Variants in TOMM20L observed in about 807,000 individuals in gnomAD.
The protein encoded by TOMM20L is TOMM20-like protein 1.
Under a neutral mutation model 20.4 loss-of-function variants are expected in TOMM20L, and 19 were observed. The observed-to-expected ratio is 0.93, with a 90% CI of 0.65 to 1.36. The LOEUF is 1.36. Ranked by LOEUF, TOMM20L falls within the 40% of genes most tolerant of loss-of-function variation. The probability of loss-of-function intolerance (pLI) is 0.00; values close to 1 mark genes in which losing one functional copy is unlikely to be tolerated. For synonymous variants in TOMM20L, 75 were observed against 79.6 expected, an observed-to-expected ratio of 0.94 and a Z score of 0.30; for missense variants, 218 against 203.7, an observed-to-expected ratio of 1.07 and a Z score of -0.43.
chr14:58,404,115 A>ATTT (rs2036026261), intron 3 of TOMM20L, among the ~76,000 whole-genome samples: 3 of 15,166 alleles, frequency 2.0e-4, no homozygotes, highest in African/African-American at 4.2e-4. Flanking sequence ...ATATATATAT[A>ATTT]TATATTTTTT....
chr14:58,407,515 CTA>C, intron 4 of TOMM20L, 47 bp downstream of exon 4: 1 of 1,543,096 alleles, frequency 6.5e-7, no homozygotes, highest in Non-Finnish European at 8.7e-7. Context: ...CAGTAAATAG[CTA>C]TGTTATGCTT....
Position 58,399,163 on chromosome 14 carries a change from C to G in TOMM20L, c.180+2822C>G, listed in dbSNP as rs376629731. On this transcript the variant is annotated intron_variant, in intron 2 of 4. Coordinates refer to ENST00000360945, the MANE Select transcript of TOMM20L (RefSeq NM_207377.3). ...GGCCTCCTGAAGTGTTGGGATTACA[C>G]GAGGGAGCCACTGTGCCTGGCCTCT... is the stretch of plus-strand genomic sequence containing the variant. Among the ~76,000 whole-genome samples the G allele has an allele frequency of 5.3e-5, 8 of 152,260 alleles. 1 individual carries two copies. In the South Asian group the frequency reaches 6.2e-4, roughly 12 times the overall value.
At chr14:58,397,588 C>A (rs929199047) in intron 2 of TOMM20L, among the ~76,000 whole-genome samples, 4 of 152,110 alleles carry the variant, frequency 2.6e-5, no homozygotes, top group Non-Finnish European at 4.4e-5. Flanking sequence ...GGAGAGGATA[C>A]AGGATGGAGG....
At chr14:58,408,703 C>A, downstream of TOMM20L, 2 of 905,520 alleles carry the variant, frequency 2.2e-6, no homozygotes, top group Non-Finnish European at 3.3e-6. Flanking sequence ...CTATCTCATA[C>A]ATGATCGAAC....
In TOMM20L at chr14:58,407,371, T is replaced by C; in HGVS notation, c.308T>C (p.Val103Ala). The C allele has an allele frequency of 6.2e-7, 1 of 1,613,658 alleles. No individual in the cohort carries two copies. The highest frequency in any genetic ancestry group is 1.7e-5 in the Admixed American group (1 of 59,898). The change falls in exon 4 of 5, where the codon GTG becomes GCG. Residue 103 changes from valine to alanine, a missense_variant. Val to Ala is a moderately conservative substitution (Grantham distance 64). Transcript: ENST00000360945. ...CAACACCTCGGCAATGCCCTTTTAG[T>C]GTGCGAGCAACCACGGGAACTTCTG... ...GIQHLGNALL[V>A]CEQPRELLKV...
intron 4 of TOMM20L, among the ~76,000 whole-genome samples, chr14:58,407,750 T>C (rs975965915): frequency 3.3e-5 from 5 of 152,206 alleles, no homozygotes; most frequent in African/African-American, 9.6e-5. Flanking sequence ...AGAAATCACT[T>C]TGGTAAATTT....
chr14:58,411,687 C>T (rs926805534), downstream of TOMM20L, among the ~76,000 whole-genome samples: 9 of 151,784 alleles, frequency 5.9e-5, no homozygotes, highest in African/African-American at 1.9e-4. Flanking sequence ...TAGAGGTGTG[C>T]GCCAGCACGC....
At position 58,395,974 on chromosome 14, in the gene TOMM20L, C is replaced by T. The variant is rs1309464389; in HGVS notation, c.17C>T (p.Ser6Phe). The T allele has an allele frequency of 3.5e-6, 5 of 1,447,902 alleles. No individual in the cohort carries two copies. In the South Asian group the frequency reaches 4.5e-5, roughly 13 times the overall value. The allele number at this position is 1,447,902 out of a possible 1,614,324, so 89.7% of individuals were successfully genotyped here. A position where few individuals can be genotyped will look rare whatever the true frequency, so the allele number is the denominator to read the frequency against. The change falls in exon 1 of 5, where the codon TCC (serine) becomes TTC (phenylalanine). Residue 6 changes from serine (S) to phenylalanine (F), a missense_variant. By Grantham distance (155) the Ser-to-Phe change is radical. Coordinates refer to ENST00000360945, the MANE Select transcript of TOMM20L (RefSeq NM_207377.3). MPSVRSLLRLLAAAAA... is the reference protein window; with the variant it reads MPSVRFLLRLLAAAAA... ...CGCGGTCGGATGCCCTCCGTCCGCT[C>T]CCTCCTCCGCCTCTTGGCCGCCGCG...
downstream of TOMM20L, among the ~76,000 whole-genome samples, chr14:58,411,452 A>G (rs2036213258): frequency 6.6e-6 from 1 of 151,974 alleles, no homozygotes; most frequent in African/African-American, 2.4e-5. Context: ...TGTCCAAAAA[A>G]AAAAAGAACA....
Position 58,396,037 on chromosome 14 carries a change from T to A in TOMM20L, c.80T>A (p.Ile27Asn). 1 of 1,439,590 alleles carries A rather than the reference T, an allele frequency of 6.9e-7. No individual in the cohort carries two copies. Among genetic ancestry groups the A allele is most frequent in the African/African-American group, 1.5e-5 (1 of 67,956 alleles). 89.2% of individuals were successfully genotyped at this position (1,439,590 alleles called of 1,614,324 possible). Residue 27 changes from isoleucine to asparagine, a missense_variant, in exon 1 of 5, where the codon ATT becomes AAT. Ile to Asn is a moderately radical substitution (Grantham distance 149). Transcript: ENST00000360945. ...CGAFAFLGYC[I>N]YLNRKRRGDP... The stretch of plus-strand genomic sequence containing the variant: ...GCCTTCGCCTTCCTGGGCTATTGTA[T>A]TTACCTCAACCGGAAGCGGCGCGGG...
Position 58,396,422 on chromosome 14 carries a change from G to C in TOMM20L, c.180+81G>C, listed in dbSNP as rs902112101. On this transcript the variant is annotated intron_variant, in intron 2 of 4. Transcript: ENST00000360945. ...GGGTTGCTTGGCTCCTGGCGGGCTC[G>C]GCAGCAGGTAGTTAGTTCCCTCAGC... 4.0e-6 allele frequency: 6 copies of C among 1,516,498 alleles called. No homozygotes were observed. The South Asian group carries it at 4.7e-5, about 12-fold the overall frequency. The allele number at this position is 1,516,498 out of a possible 1,614,324, so 93.9% of individuals were successfully genotyped here. A position where few individuals can be genotyped will look rare whatever the true frequency, so the allele number is the denominator to read the frequency against.
intron 2 of TOMM20L, among the ~76,000 whole-genome samples, chr14:58,401,323 G>A (rs565555242): frequency 6.6e-6 from 1 of 152,248 alleles, no homozygotes; most frequent in Admixed American, 6.5e-5. Flanking sequence ...TGTAATCCTA[G>A]CACTTTGGGA....
At chr14:58,401,608 G>T (rs2035993397) in intron 2 of TOMM20L, among the ~76,000 whole-genome samples, 1 of 151,426 alleles carries the variant, frequency 6.6e-6, no homozygotes, top group Admixed American at 6.6e-5. Flanking sequence ...CAGGCTCATT[G>T]CATTTTAAAA....
chr14:58,410,898 G>T, downstream of TOMM20L: 1 of 1,613,560 alleles, frequency 6.2e-7, no homozygotes, highest in Non-Finnish European at 8.5e-7. Flanking sequence ...CAAAAAGCAG[G>T]TCTCTGTAAG....
At position 58,408,564 on chromosome 14, in the gene TOMM20L, G is replaced by A. The variant is rs751873601; in HGVS notation, c.441G>A (p.Leu147=). 6.2e-7 allele frequency: 1 copy of A among 1,614,046 alleles called. No homozygotes were observed. The highest frequency in any genetic ancestry group is 8.5e-7 in the Non-Finnish European group (1 of 1,179,984). ...FEADMNEQDC[L]EDDPD is the part of the protein sequence containing the mutation. ...CAGACATGAATGAACAGGACTGCTT[G>A]GAGGATGATCCTGATTGAAAAACAT... Residue 147 remains leucine, a synonymous_variant, in exon 5 of 5, where the codon TTG becomes TTA. Coordinates refer to ENST00000360945, the MANE Select transcript of TOMM20L (RefSeq NM_207377.3).
At chr14:58,402,549 A>G in intron 2 of TOMM20L, 131 bp from the exon 3 acceptor site, 1 of 624,130 alleles carries the variant, frequency 1.6e-6, no homozygotes. Flanking sequence ...CGGCCTCCCA[A>G]AGTGTTGGGA....
the TOMM20L span, among the ~76,000 whole-genome samples, chr14:58,413,989 AGAGT>A: frequency 8.8e-6 from 1 of 113,834 alleles, no homozygotes; most frequent in Non-Finnish European, 1.7e-5. Flanking sequence ...CCTGGGTGAC[AGAGT>A]GAGATTCCGT....
rs115031081 is a variant in TOMM20L at position 58,408,482 on chromosome 14, T to C, written c.406-47T>C. On this transcript the variant is annotated intron_variant, in intron 4 of 4. Transcript: ENST00000360945. The stretch of plus-strand genomic sequence containing the variant: ...TGACACAAGGGAGGCAAGAAAAGGA[T>C]CATGCATTGAAATGATTAGCAAGTA... 558 of 1,545,006 alleles carry C rather than the reference T, an allele frequency of 3.6e-4. No individual in the cohort carries two copies. In the African/African-American group the frequency reaches 7.2e-3, roughly 20 times the overall value.
At chr14:58,400,602 C>T (rs549233809) in intron 2 of TOMM20L, among the ~76,000 whole-genome samples, 7 of 151,542 alleles carry the variant, frequency 4.6e-5, no homozygotes, top group Non-Finnish European at 8.8e-5. Flanking sequence ...CTATTATGGC[C>T]GGCGCGGTGG....
Sources: allele counts gnomAD v4.1 joint callset (sites outside exome capture counted in the v4.1 genomes callset), GRCh38; gene constraint gnomAD v4.1.1; transcripts MANE v1.5; gene names NCBI Gene and HGNC (gene_info 2026-07-23, HGNC 2026-07-21).